The following KRT23 variants were observed in gnomAD, a reference collection of about 807,000 sequenced individuals.
KRT23 encodes the protein keratin, type I cytoskeletal 23.
A neutral mutation model predicts 47.6 loss-of-function variants in KRT23; 38 were observed. That is an observed-to-expected ratio of 0.80 (90% confidence interval 0.62 to 1.05). The LOEUF (loss-of-function observed/expected upper bound fraction) is 1.05. KRT23 is among the 50% of genes least tolerant of loss of function. The pLI is 0.00. For synonymous variants in KRT23, 191 were observed against 199.0 expected, an observed-to-expected ratio of 0.96 and a Z score of 0.34; for missense variants, 503 against 529.5, an observed-to-expected ratio of 0.95 and a Z score of 0.49.
In KRT23 at chr17:40,928,590, A is replaced by C. The variant is rs1250773890; in HGVS notation, c.654T>G (p.His218Gln). 2.5e-6 allele frequency: 4 copies of C among 1,612,822 alleles called. No individual in the cohort carries two copies. The highest frequency in any genetic ancestry group is 1.3e-5 in the African/African-American group (1 of 74,896). ...CATTGACATTGAAGTCACTTGGCAC[A>C]TGATGCTTCTCCATTTCCTATTTAA... is the stretch of plus-strand genomic sequence containing the variant. Reference protein sequence around the residue: ...KHHEQEMEKHHVPSDFNVNVK... With the variant: ...KHHEQEMEKHQVPSDFNVNVK... Residue 218 changes from histidine to glutamine, a missense_variant, in exon 5 of 9, where the codon CAT becomes CAG. Transcript: ENST00000209718.
chr17:40,926,715 C>G (rs1481001043), intron 6 of KRT23, among the ~76,000 whole-genome samples: 3 of 152,170 alleles, frequency 2.0e-5, no homozygotes, highest in East Asian at 3.8e-4. Context: ...AAACCCATAT[C>G]TACCTTCAGC....
intron 3 of KRT23, among the ~76,000 whole-genome samples, chr17:40,930,868 T>G (rs1909615659): frequency 6.6e-6 from 1 of 152,178 alleles, no homozygotes; most frequent in Non-Finnish European, 1.5e-5. Context: ...TCTTGATTCA[T>G]ATTCAAACTT....
At chr17:40,923,184 T>A in intron 8 of KRT23, 101 bp from the exon 9 acceptor site, 1 of 843,244 alleles carries the variant, frequency 1.2e-6, no homozygotes, top group Non-Finnish European at 2.0e-6. Context: ...AGGCTCTCAG[T>A]GCCTTCCAAA....
chr17:40,930,183 T>C, intron 3 of KRT23, 87 bp from the exon 4 acceptor site: 1 of 1,302,724 alleles, frequency 7.7e-7, no homozygotes, highest in Admixed American at 2.1e-5. Flanking sequence ...AGGTGAATCT[T>C]TTACTTTTTA....
intron 8 of KRT23, 111 bp downstream of exon 8, chr17:40,924,361 T>C: frequency 1.2e-6 from 1 of 822,184 alleles, no homozygotes; most frequent in East Asian, 2.6e-5. Context: ...ACCCAGGACA[T>C]TTTGAACCCA....
Position 40,924,488 on chromosome 17 carries a change from T to C in KRT23, c.1158A>G (p.Ser386=). The change falls in exon 8 of 9, where the codon TCA becomes TCG. Residue 386 remains serine (S), a synonymous_variant. Transcript: ENST00000209718. ...EGESEGTREE[S]KSSMKVSATP... is the part of the protein sequence containing the mutation. ...ATTTTTTACCTTTCATGCTCGACTTTGATTCTTCCCGTGTCCTATAAAAGT... is the reference window on the plus strand; with the variant it reads ...ATTTTTTACCTTTCATGCTCGACTTCGATTCTTCCCGTGTCCTATAAAAGT... The C allele has an allele frequency of 1.2e-6, 2 of 1,613,416 alleles. No homozygotes were observed. The highest frequency in any genetic ancestry group is 1.7e-6 in the Non-Finnish European group (2 of 1,179,376).
chr17:40,923,761 C>T (rs1301278059), intron 8 of KRT23, among the ~76,000 whole-genome samples: 1 of 152,212 alleles, frequency 6.6e-6, no homozygotes, highest in Admixed American at 6.5e-5. Flanking sequence ...ACCAGCTGTC[C>T]TGTGATGATT....
intron 3 of KRT23, 102 bp from the exon 4 acceptor site, chr17:40,930,198 T>C (rs1186483014): frequency 1.8e-6 from 2 of 1,086,310 alleles, no homozygotes; most frequent in East Asian, 4.7e-5. Flanking sequence ...TTTTTAGGTT[T>C]AAAGAGAGCA....
rs369145446 is a variant in KRT23 at position 40,928,432 on chromosome 17, C to T, written c.798+14G>A. The stretch of plus-strand genomic sequence containing the variant: ...AAATGCAACCTTTGGGAAGTTTGTG[C>T]ATCTTTCTTTTACCTGTTCTTTATA... On this transcript the variant is annotated intron_variant, in intron 5 of 8. Transcript: ENST00000209718. The T allele has an allele frequency of 2.9e-4, 472 of 1,613,920 alleles. 1 individual carries two copies. Among genetic ancestry groups the T allele is most frequent in the Admixed American group, 5.5e-4 (33 of 60,006 alleles).
intron 8 of KRT23, among the ~76,000 whole-genome samples, 169 bp from the exon 9 acceptor site, chr17:40,923,252 G>A (rs977957547): frequency 4.6e-5 from 7 of 152,198 alleles, no homozygotes; most frequent in African/African-American, 1.7e-4. Context: ...CCCAAAGGAG[G>A]GATTTTCTCC....
intron 7 of KRT23, 30 bp downstream of exon 7, chr17:40,925,324 A>G (rs1400564723): frequency 1.3e-6 from 2 of 1,581,940 alleles, no homozygotes; most frequent in Non-Finnish European, 1.7e-6. Flanking sequence ...GGTCCCTCGC[A>G]TGCTCCTCTC....
At position 40,925,469 on chromosome 17, in the gene KRT23, G is replaced by A; in HGVS notation, c.1027C>T (p.Leu343=). The A allele has an allele frequency of 1.9e-6, 3 of 1,614,164 alleles. No homozygotes were observed. The highest frequency in any genetic ancestry group is 2.5e-6 in the Non-Finnish European group (3 of 1,180,014). Residue 343 remains leucine, a synonymous_variant, in exon 7 of 9, where the codon CTA becomes TTA. Coordinates refer to ENST00000209718, the MANE Select transcript of KRT23 (RefSeq NM_015515.5). ...TTCTGCCGCTCCAGTTCATGGCGTA[G>A]CTGCGTCAGTTCCTCCTCATAGTGG... ...ISHYEEELTQ[L]RHELERQNNE...
chr17:40,923,862 C>A (rs1202896723), intron 8 of KRT23, among the ~76,000 whole-genome samples: 1 of 152,224 alleles, frequency 6.6e-6, no homozygotes, highest in Non-Finnish European at 1.5e-5. Context: ...CTACAGTCTC[C>A]TGCAACTTTT....
intron 8 of KRT23, among the ~76,000 whole-genome samples, chr17:40,923,368 T>G (rs1334531183): frequency 2.0e-5 from 3 of 152,208 alleles, no homozygotes; most frequent in African/African-American, 7.2e-5. Flanking sequence ...CACAAGCACT[T>G]GAGGAGTTCT....
intron 6 of KRT23, among the ~76,000 whole-genome samples, chr17:40,927,621 TGAC>T (rs1909311094): frequency 8.6e-6 from 1 of 116,724 alleles, no homozygotes; most frequent in Non-Finnish European, 1.7e-5. Flanking sequence ...TGAATGCTTA[TGAC>T]CATGCTAAGC....
chr17:40,925,312 G>A, intron 7 of KRT23, 42 bp downstream of exon 7: 1 of 1,531,150 alleles, frequency 6.5e-7, no homozygotes, highest in Non-Finnish European at 9.0e-7. Flanking sequence ...ACAGGAGCTG[G>A]AGGTCCCTCG....
chr17:40,935,804 G>C (rs1910019900), intron 2 of KRT23, among the ~76,000 whole-genome samples: 2 of 152,162 alleles, frequency 1.3e-5, no homozygotes, highest in African/African-American at 4.8e-5. Flanking sequence ...TCTTATGCCT[G>C]GTGCACTGAG....
intron 2 of KRT23, among the ~76,000 whole-genome samples, chr17:40,933,579 T>C (rs888394800): frequency 2.0e-5 from 3 of 152,268 alleles, no homozygotes; most frequent in Admixed American, 6.5e-5. Flanking sequence ...TTAGCTTTTC[T>C]GGGTTAAATT....
Position 40,922,724 on chromosome 17 carries a change from C to T in KRT23, c.*265G>A. On this transcript the variant is annotated 3_prime_UTR_variant, in exon 9 of 9. Transcript: ENST00000209718. ...AGCTAGTGCGGAGTTTTATTGGCTACAAAATAGATGCAAAATGATGAGAAT... is the reference window on the plus strand; with the variant it reads ...AGCTAGTGCGGAGTTTTATTGGCTATAAAATAGATGCAAAATGATGAGAAT... 3.1e-6 allele frequency: 1 copy of T among 326,698 alleles called. No homozygotes were observed. The highest frequency in any genetic ancestry group is 6.4e-5 in the East Asian group (1 of 15,520). 20.2% of individuals were successfully genotyped at this position (326,698 alleles called of 1,614,324 possible).
Sources: allele counts gnomAD v4.1 joint callset (sites outside exome capture counted in the v4.1 genomes callset), GRCh38; gene constraint gnomAD v4.1.1; transcripts MANE v1.5; gene names NCBI Gene and HGNC (gene_info 2026-07-23, HGNC 2026-07-21).